Variants in TRIM14 observed in about 807,000 individuals in gnomAD.
The protein encoded by TRIM14 is tripartite motif-containing protein 14.
TRIM14 carries 28 observed loss-of-function variants against 44.5 expected under a neutral mutation model. That is an observed-to-expected ratio of 0.63 (90% CI 0.47 to 0.86). TRIM14 has a LOEUF of 0.86. Ranked by LOEUF, TRIM14 falls within the 40% of genes least tolerant of loss-of-function variation. The pLI, the probability that TRIM14 is intolerant of heterozygous loss-of-function variation, is 0.00. For missense variants in TRIM14, 607 were observed against 611.1 expected, an observed-to-expected ratio of 0.99 and a Z score of 0.07; for synonymous variants, 299 against 269.2, an observed-to-expected ratio of 1.11 and a Z score of -1.08.
chr9:98,088,920 T>C (rs1825898992), intron 5 of TRIM14, among the ~76,000 whole-genome samples: 1 of 150,388 alleles, frequency 6.6e-6, no homozygotes. Flanking sequence ...GTTTTTTTTG[T>C]TGTTGTTGTT....
At chr9:98,107,001 G>GT (rs1826639202) in intron 2 of TRIM14, among the ~76,000 whole-genome samples, 1 of 151,764 alleles carries the variant, frequency 6.6e-6, no homozygotes. Context: ...TGATTTTTTA[G>GT]TTTTTTGTAG....
chr9:98,093,639 C>T (rs540501905), intron 4 of TRIM14, among the ~76,000 whole-genome samples: 1 of 152,250 alleles, frequency 6.6e-6, no homozygotes, highest in South Asian at 2.1e-4. Flanking sequence ...TTCCTTTGGG[C>T]CACCTTGAGT....
At chr9:98,039,216 C>CA in the TRIM14 span, among the ~76,000 whole-genome samples, 1 of 152,100 alleles carries the variant, frequency 6.6e-6, no homozygotes, top group Non-Finnish European at 1.5e-5. Context: ...AGTAGCATGT[C>CA]ACGGCTCACT....
chr9:98,080,751 T>A (rs1829816238), downstream of TRIM14: 1 of 1,511,792 alleles, frequency 6.6e-7, no homozygotes, highest in Non-Finnish European at 8.9e-7. Context: ...CAGATACGCT[T>A]CACCTGGAGA....
At chr9:98,112,267 TAA>T (rs962421862) in intron 1 of TRIM14, among the ~76,000 whole-genome samples, 2 of 152,198 alleles carry the variant, frequency 1.3e-5, no homozygotes, top group African/African-American at 4.8e-5. Context: ...ACAGAGTGTA[TAA>T]AGTCAGATGT....
chr9:98,073,271 C>CCTTTTTTTTTTTTTTTTTTT (rs1564161444), intron 6 of TRIM14, among the ~76,000 whole-genome samples: 1 of 57,826 alleles, frequency 1.7e-5, no homozygotes, highest in Non-Finnish European at 3.0e-5. Context: ...TCACCATGGG[C>CCTTTTTTTTTTTTTTTTTTT]TTTTTTTTTT....
At chr9:98,056,628 G>A in the TRIM14 span, 3 of 935,890 alleles carry the variant, frequency 3.2e-6, no homozygotes, top group East Asian at 3.2e-5. Context: ...CCCGCCCCCC[G>A]CCCCGATTGG....
chr9:98,108,003 C>A (rs1304104391), intron 2 of TRIM14, among the ~76,000 whole-genome samples: 1 of 151,754 alleles, frequency 6.6e-6, no homozygotes, highest in African/African-American at 2.4e-5. Context: ...ATGGAATAGC[C>A]TGCATTTTGA....
intron 2 of TRIM14, among the ~76,000 whole-genome samples, chr9:98,104,867 G>A (rs1019104322): frequency 6.6e-6 from 1 of 152,220 alleles, no homozygotes; most frequent in African/African-American, 2.4e-5. Flanking sequence ...CTGTTTTGCT[G>A]AAAACTCAGT....
chr9:98,084,594 TCTCAGCACTCG>T lies in TRIM14; in HGVS notation c.*2865_*2875del, dbSNP rs1825697478. ...ACATGGCAGCTGGGAATACCAGTAGTCTCAGCACTCGGTCAGTACCGTGCAAGCTCCCTTGG... is the reference window on the plus strand; with the variant it reads ...ACATGGCAGCTGGGAATACCAGTAGTGTCAGTACCGTGCAAGCTCCCTTGG... On this transcript the variant is annotated 3_prime_UTR_variant, in exon 6 of 6. Coordinates refer to ENST00000341469, the MANE Select transcript of TRIM14 (RefSeq NM_014788.4). The T allele has an allele frequency of 6.6e-6, 1 of 152,230 alleles. No homozygotes were observed. Among genetic ancestry groups the T allele is most frequent in the Non-Finnish European group, 1.5e-5 (1 of 68,040 alleles). The allele number at this position is 152,230 out of a possible 1,614,324, so 9.4% of individuals were successfully genotyped here.
the TRIM14 span, among the ~76,000 whole-genome samples, chr9:98,059,325 CAAG>C: frequency 6.6e-6 from 1 of 152,116 alleles, no homozygotes; most frequent in Non-Finnish European, 1.5e-5. Flanking sequence ...GCCCGGCAGC[CAAG>C]AAGTTTTTAA....
intron 6 of TRIM14, among the ~76,000 whole-genome samples, chr9:98,077,633 G>C (rs776020315): frequency 3.9e-5 from 6 of 152,184 alleles, no homozygotes; most frequent in Non-Finnish European, 7.3e-5. Context: ...TAGGAGGATT[G>C]CTTGAGTTTG....
chr9:98,113,240 T>TA (rs1233177933), intron 1 of TRIM14, among the ~76,000 whole-genome samples: 21 of 152,186 alleles, frequency 1.4e-4, no homozygotes, highest in African/African-American at 5.1e-4. Context: ...AACCAGGTTT[T>TA]ATCAGAGCAT....
chr9:98,075,684 G>C (rs1366390446), intron 6 of TRIM14: 7 of 152,112 alleles, frequency 4.6e-5, no homozygotes, highest in Admixed American at 1.3e-4. Flanking sequence ...TTCGACTTTT[G>C]ATTTCCAACT....
intron 2 of TRIM14, among the ~76,000 whole-genome samples, chr9:98,101,785 A>G (rs931347648): frequency 2.6e-5 from 4 of 152,106 alleles, no homozygotes; most frequent in Non-Finnish European, 5.9e-5. Flanking sequence ...TATCCTAGAA[A>G]ATGCTTTCAC....
At chr9:98,090,405 G>A (rs1453812690) in intron 5 of TRIM14, among the ~76,000 whole-genome samples, 1 of 152,214 alleles carries the variant, frequency 6.6e-6, no homozygotes, top group Non-Finnish European at 1.5e-5. Context: ...AGTCTGGAGA[G>A]TGGATCCCCT....
chr9:98,092,131 T>C (rs1396762316), intron 4 of TRIM14, 130 bp from the exon 5 acceptor site: 24 of 624,292 alleles, frequency 3.8e-5, no homozygotes, highest in Non-Finnish European at 5.5e-5. Flanking sequence ...AAGGGATTTA[T>C]GTGAATTCAC....
chr9:98,040,856 C>T, the TRIM14 span, among the ~76,000 whole-genome samples: 1 of 152,078 alleles, frequency 6.6e-6, no homozygotes, highest in Non-Finnish European at 1.5e-5. Flanking sequence ...GGGGTTTCAC[C>T]ATCTTGGCCA....
At chr9:98,088,592 T>C (rs1005504690) in intron 5 of TRIM14, among the ~76,000 whole-genome samples, 2 of 152,222 alleles carry the variant, frequency 1.3e-5, no homozygotes, top group Non-Finnish European at 2.9e-5. Context: ...TTAAAATTGA[T>C]TGATCTACTT....
Sources: gnomAD v4.1 joint callset for allele counts (sites outside exome capture counted in the v4.1 genomes callset) on GRCh38, gnomAD v4.1.1 for gene constraint, MANE v1.5 for transcripts, NCBI Gene and HGNC (gene_info 2026-07-23, HGNC 2026-07-21) for gene names.